The following ACO1 variants were observed in gnomAD, a reference collection of about 807,000 sequenced individuals.
ACO1 encodes cytoplasmic aconitate hydratase.
ACO1 carries 78 observed loss-of-function variants against 105.1 expected under a neutral mutation model. That is an observed-to-expected ratio of 0.74 (90% CI 0.62 to 0.90). ACO1 has a LOEUF of 0.90. Among genes scored for constraint, ACO1 ranks in the 40% least tolerant of loss-of-function variants. ACO1 has a pLI of 0.00. For synonymous variants in ACO1, 364 were observed against 397.4 expected, an observed-to-expected ratio of 0.92 and a Z score of 1.00; for missense variants, 965 against 1,111.1, an observed-to-expected ratio of 0.87 and a Z score of 1.87.
chr9:32,438,001 C>T (rs1436281577), intron 18 of ACO1, among the ~76,000 whole-genome samples: 1 of 152,056 alleles, frequency 6.6e-6, no homozygotes, highest in Non-Finnish European at 1.5e-5. Context: ...AAACTACAAG[C>T]AAAATTTCTC....
Position 32,448,876 on chromosome 9 carries a change from C to G in ACO1, c.2371-20C>G. 2.5e-6 allele frequency: 4 copies of G among 1,614,046 alleles called. No homozygotes were observed. The highest frequency in any genetic ancestry group is 3.4e-6 in the Non-Finnish European group (4 of 1,179,910). On this transcript the variant is annotated intron_variant, in intron 19 of 20. Transcript: ENST00000309951. The stretch of plus-strand genomic sequence containing the variant: ...AGAAAAGATTGGAAGTATGTCTAAA[C>G]TACTGTCTTTATTCATCAGGGAATC...
intron 18 of ACO1, among the ~76,000 whole-genome samples, chr9:32,438,628 G>GA (rs1230248364): frequency 6.6e-6 from 1 of 152,140 alleles, no homozygotes; most frequent in Non-Finnish European, 1.5e-5. Flanking sequence ...TAGAAAAAAT[G>GA]AAAATTAGTA....
chr9:32,430,778 G>A (rs191472588), intron 14 of ACO1, among the ~76,000 whole-genome samples: 7 of 152,158 alleles, frequency 4.6e-5, no homozygotes, highest in East Asian at 1.9e-4. Context: ...AAAGGATAAC[G>A]AAAGGAAAAC....
rs200574999 is a variant in ACO1 at position 32,427,335 on chromosome 9, G to A, written c.1383G>A (p.Leu461=). The A allele has an allele frequency of 1.2e-6, 2 of 1,614,226 alleles. No homozygotes were observed. The highest frequency in any genetic ancestry group is 1.1e-5 in the South Asian group (1 of 91,088). The change falls in exon 12 of 21, where the codon CTG becomes CTA. Residue 461 remains leucine, a synonymous_variant. Transcript: ENST00000309951. ...CAAAGAAAGCTGTGGATGCTGGCCT[G>A]AACGTGATGCCTTACATCAAAACTA... The part of the protein sequence containing the change: ...LLAKKAVDAG[L]NVMPYIKTSL...
intron 1 of ACO1, among the ~76,000 whole-genome samples, chr9:32,388,976 AATATT>A (rs1474595601): frequency 1.3e-5 from 2 of 152,226 alleles, no homozygotes; most frequent in Non-Finnish European, 2.9e-5. Flanking sequence ...TTGTATATAT[AATATT>A]AGTATAAAAA....
intron 1 of ACO1, among the ~76,000 whole-genome samples, chr9:32,393,611 C>T (rs1160345493): frequency 6.6e-6 from 1 of 152,166 alleles, no homozygotes; most frequent in Non-Finnish European, 1.5e-5. Context: ...TTCATACACT[C>T]CCTCCCCTTT....
intron 4 of ACO1, among the ~76,000 whole-genome samples, chr9:32,412,417 T>G (rs916646747): frequency 1.3e-5 from 2 of 152,204 alleles, no homozygotes; most frequent in African/African-American, 4.8e-5. Flanking sequence ...TTAAGTCACT[T>G]AAGAATATGA....
intron 13 of ACO1, among the ~76,000 whole-genome samples, chr9:32,430,134 C>T (rs775681193): frequency 6.6e-6 from 1 of 152,200 alleles, no homozygotes; most frequent in Non-Finnish European, 1.5e-5. Flanking sequence ...TCTTTCCCAC[C>T]TGTTCTTGGG....
At chr9:32,431,079 G>A (rs1343610677) in intron 14 of ACO1, among the ~76,000 whole-genome samples, 1 of 152,108 alleles carries the variant, frequency 6.6e-6, no homozygotes, top group South Asian at 2.1e-4. Context: ...GTTGATCCTC[G>A]TTATTTGTGA....
rs201567528 is a variant in ACO1, at chr9:32,430,511, C to A, written c.1663C>A (p.Pro555Thr). 35 of 1,611,258 alleles carry A rather than the reference C, an allele frequency of 2.2e-5. No homozygotes were observed. Among genetic ancestry groups the A allele is most frequent in the Middle Eastern group, 1.6e-4 (1 of 6,084 alleles). ...NTRANYLASP[P>T]LVIAYAIAGT... is the part of the protein sequence containing the mutation. ...CCGGGCCAACTATTTAGCCTCTCCC[C>A]CCTTAGTAATAGCATATGCAATTGC... The change falls in exon 14 of 21, where the codon CCC becomes ACC. Residue 555 changes from proline to threonine, a missense_variant. Transcript: ENST00000309951.
chr9:32,417,551 G>A (rs372601535), intron 4 of ACO1, among the ~76,000 whole-genome samples: 12 of 152,192 alleles, frequency 7.9e-5, no homozygotes, highest in African/African-American at 2.9e-4. Context: ...ACTGAATGAC[G>A]TTGAGTAAAT....
chr9:32,413,482 C>CA (rs35294620), intron 4 of ACO1, among the ~76,000 whole-genome samples: 2,636 of 132,584 alleles, frequency 0.02, 46 homozygotes, highest in African/African-American at 0.05. Flanking sequence ...GACTCTATCT[C>CA]AAAAAAAAAA....
chr9:32,403,459 A>G (rs1325822174), intron 1 of ACO1, among the ~76,000 whole-genome samples: 1 of 152,104 alleles, frequency 6.6e-6, no homozygotes, highest in African/African-American at 2.4e-5. Flanking sequence ...AAAACAAGCC[A>G]TTTTCTCCAA....
intron 11 of ACO1, among the ~76,000 whole-genome samples, chr9:32,426,967 T>C (rs1390998544): frequency 8.7e-6 from 1 of 115,134 alleles, no homozygotes; most frequent in African/African-American, 3.4e-5. Context: ...ATTAGAAAGA[T>C]GATTTTCCCT....
At chr9:32,441,656 G>C (rs1184866393) in intron 19 of ACO1, among the ~76,000 whole-genome samples, 1 of 152,198 alleles carries the variant, frequency 6.6e-6, no homozygotes, top group Non-Finnish European at 1.5e-5. Context: ...GAAGGGGGTT[G>C]GGAGCTGTAG....
chr9:32,434,524 C>G, intron 16 of ACO1, 35 bp from the exon 17 acceptor site: 1 of 1,611,930 alleles, frequency 6.2e-7, no homozygotes, highest in Non-Finnish European at 8.5e-7. Context: ...TTGGGAAAAC[C>G]TGGGCCAATG....
rs528446557 is a variant in ACO1 at position 32,451,316 on chromosome 9, C to A, written c.*1205C>A. 8 of 152,132 alleles carry A rather than the reference C, an allele frequency of 5.3e-5. No individual in the cohort carries two copies. The highest frequency in any genetic ancestry group is 1.0e-4 in the Non-Finnish European group (7 of 68,050). 9.4% of individuals were successfully genotyped at this position (152,132 alleles called of 1,614,324 possible). On this transcript the variant is annotated 3_prime_UTR_variant, in exon 21 of 21. Transcript: ENST00000309951. ...CTCTTCCTGGTTTACAGATGGCCACCTTCTTGCTTGTTCTCACATGGCATT... is the reference window on the plus strand; with the variant it reads ...CTCTTCCTGGTTTACAGATGGCCACATTCTTGCTTGTTCTCACATGGCATT...
intron 1 of ACO1, among the ~76,000 whole-genome samples, chr9:32,399,472 C>T (rs373043855): frequency 7.9e-5 from 12 of 152,136 alleles, no homozygotes; most frequent in African/African-American, 2.9e-4. Flanking sequence ...AGAGAAGGGT[C>T]GTAAAATTGG....
intron 9 of ACO1, among the ~76,000 whole-genome samples, chr9:32,423,740 T>C (rs1822027269): frequency 6.6e-6 from 1 of 152,144 alleles, no homozygotes; most frequent in Non-Finnish European, 1.5e-5. Flanking sequence ...ACAATGGACT[T>C]TGGGGACTCA....
Sources: gnomAD v4.1 joint callset for allele counts (sites outside exome capture counted in the v4.1 genomes callset) on GRCh38, gnomAD v4.1.1 for gene constraint, MANE v1.5 for transcripts, NCBI Gene and HGNC (gene_info 2026-07-23, HGNC 2026-07-21) for gene names.